CPNE5: variants seen among roughly 807,000 people sequenced by gnomAD.
CPNE5 encodes copine-5.
A neutral mutation model predicts 81.1 loss-of-function variants in CPNE5; 42 were observed. The observed-to-expected ratio is 0.52, with a 90% CI of 0.40 to 0.67. CPNE5 has a LOEUF of 0.67. Among genes scored for constraint, CPNE5 ranks in the 30% least tolerant of loss-of-function variants. The pLI, the probability that CPNE5 is intolerant of heterozygous loss-of-function variation, is 0.00. For missense variants in CPNE5, 612 were observed against 815.5 expected, an observed-to-expected ratio of 0.75 and a Z score of 3.04; for synonymous variants, 313 against 321.5, an observed-to-expected ratio of 0.97 and a Z score of 0.28.
intron 4 of CPNE5, among the ~76,000 whole-genome samples, chr6:36,799,441 C>T (rs1769904697): frequency 6.6e-6 from 1 of 152,182 alleles, no homozygotes; most frequent in Non-Finnish European, 1.5e-5. Context: ...CACAAACTCC[C>T]CAGCCTGTTT....
At chr6:36,827,244 C>A in intron 1 of CPNE5, 4 of 833,022 alleles carry the variant, frequency 4.8e-6, no homozygotes, top group Non-Finnish European at 5.8e-6. Context: ...TCTGATCCCA[C>A]ACCTCGTCCA....
At chr6:36,763,552 G>C (rs1228737018) in intron 11 of CPNE5, among the ~76,000 whole-genome samples, 1 of 148,426 alleles carries the variant, frequency 6.7e-6, no homozygotes, top group Non-Finnish European at 1.5e-5. Context: ...GCTGTGAGCT[G>C]AGATTGTGTC....
At chr6:36,763,798 G>A (rs1349570391) in intron 11 of CPNE5, among the ~76,000 whole-genome samples, 2 of 152,170 alleles carry the variant, frequency 1.3e-5, no homozygotes, top group African/African-American at 2.4e-5. Context: ...AAATTCAGGT[G>A]ATGGGATTAA....
At position 36,804,016 on chromosome 6, in the gene CPNE5, C is replaced by T. The variant is rs148426468; in HGVS notation, c.184-3946G>A. Among the ~76,000 whole-genome samples, 42 of 152,250 alleles carry T rather than the reference C, an allele frequency of 2.8e-4. 1 individual carries two copies. The East Asian group carries it at 6.8e-3, about 24-fold the overall frequency. ...TGAGCCCCTACTGAATGCTCAATAGCTTAAGTGCATCATTAAGTTATTTCA... is the reference window on the plus strand; with the variant it reads ...TGAGCCCCTACTGAATGCTCAATAGTTTAAGTGCATCATTAAGTTATTTCA... On this transcript the variant is annotated intron_variant, in intron 3 of 20. Transcript: ENST00000244751.
At position 36,822,096 on chromosome 6, in the gene CPNE5, G is replaced by T; in HGVS notation, c.183+18C>A. On this transcript the variant is annotated intron_variant, in intron 3 of 20. Transcript: ENST00000244751. ...GGAACAGGCTGGTGTTTCTGGTGTGGGAAGGAGCTGCACCTACCTCCCGCC... is the reference window on the plus strand; with the variant it reads ...GGAACAGGCTGGTGTTTCTGGTGTGTGAAGGAGCTGCACCTACCTCCCGCC... 6.5e-7 allele frequency: 1 copy of T among 1,527,606 alleles called. No homozygotes were observed. Among genetic ancestry groups the T allele is most frequent in the East Asian group, 2.4e-5 (1 of 40,836 alleles). The allele number at this position is 1,527,606 out of a possible 1,614,324, so 94.6% of individuals were successfully genotyped here. A position where few individuals can be genotyped will look rare whatever the true frequency, so the allele number is the denominator to read the frequency against.
At chr6:36,757,060 G>A (rs889626772) in intron 12 of CPNE5, among the ~76,000 whole-genome samples, 3 of 152,060 alleles carry the variant, frequency 2.0e-5, no homozygotes, top group African/African-American at 4.8e-5. Context: ...AGCCTCCCAC[G>A]GCAGGGAGTG....
chr6:36,825,692 G>A (rs973156422), intron 1 of CPNE5, among the ~76,000 whole-genome samples: 4 of 152,192 alleles, frequency 2.6e-5, no homozygotes, highest in African/African-American at 9.7e-5. Context: ...CATTCACACC[G>A]AGGCGGGCTG....
chr6:36,753,069 C>G lies in CPNE5; in HGVS notation c.936G>C (p.Glu312Asp). The G allele has an allele frequency of 6.2e-7, 1 of 1,613,358 alleles. No homozygotes were observed. Among genetic ancestry groups the G allele is most frequent in the South Asian group, 1.1e-5 (1 of 91,052 alleles). Residue 312 changes from glutamate to aspartate, a missense_variant, in exon 14 of 21, where the codon GAG (glutamate) becomes GAC (aspartate). Glu to Asp is a conservative substitution (Grantham distance 45, BLOSUM62 2). Coordinates refer to ENST00000244751, the MANE Select transcript of CPNE5 (RefSeq NM_020939.2). ...TGTAGTCAAGGAAGGTGCACTCTGA[C>G]TCCACAGCAAAGGAAAGCAGGGTGA... ...GTVTLLSFAVESECTFLDYIK... is the reference protein window; with the variant it reads ...GTVTLLSFAVDSECTFLDYIK...
At chr6:36,789,520 T>C (rs1303400510) in intron 8 of CPNE5, among the ~76,000 whole-genome samples, 1 of 152,198 alleles carries the variant, frequency 6.6e-6, no homozygotes, top group Admixed American at 6.5e-5. Context: ...TTCAAGGAAT[T>C]CAGATGCACC....
At chr6:36,810,115 C>G (rs949104941) in intron 3 of CPNE5, among the ~76,000 whole-genome samples, 1 of 152,004 alleles carries the variant, frequency 6.6e-6, no homozygotes, top group East Asian at 1.9e-4. Flanking sequence ...CTGGTGCTCA[C>G]CACAGCCCCT....
chr6:36,744,943 A>T (rs1400465154), intron 18 of CPNE5, 105 bp downstream of exon 18: 13 of 780,078 alleles, frequency 1.7e-5, no homozygotes. Flanking sequence ...AGTCATCTCC[A>T]AGCATTTCCC....
chr6:36,822,237 G>T, intron 2 of CPNE5, 77 bp from the exon 3 acceptor site: 3 of 1,285,634 alleles, frequency 2.3e-6, no homozygotes, highest in Middle Eastern at 2.0e-4. Context: ...AAGGATCCTG[G>T]CTGGGCAGGC....
At chr6:36,804,468 T>A (rs576923508) in intron 3 of CPNE5, among the ~76,000 whole-genome samples, 24 of 152,346 alleles carry the variant, frequency 1.6e-4, no homozygotes, top group African/African-American at 5.5e-4. Context: ...TGTCTCTTAA[T>A]GGCTTTCTTG....
chr6:36,817,230 C>G (rs1044810438), intron 3 of CPNE5, among the ~76,000 whole-genome samples: 3 of 152,156 alleles, frequency 2.0e-5, no homozygotes, highest in Non-Finnish European at 4.4e-5. Context: ...GAGGCTGAGA[C>G]AGGAATATCA....
intron 3 of CPNE5, among the ~76,000 whole-genome samples, chr6:36,808,452 G>C (rs1770797666): frequency 6.6e-6 from 1 of 152,070 alleles, no homozygotes; most frequent in African/African-American, 2.4e-5. Flanking sequence ...CACCAGCTGG[G>C]AGGCAGCAAC....
intron 1 of CPNE5, among the ~76,000 whole-genome samples, chr6:36,828,308 CAAAAAA>C (rs11444450): frequency 2.5e-5 from 2 of 78,650 alleles, no homozygotes; most frequent in African/African-American, 4.7e-5. Context: ...AACAACAAAC[CAAAAAA>C]AAAAAAAAAA....
At position 36,789,798 on chromosome 6, in the gene CPNE5, G is replaced by A. The variant is rs146037875; in HGVS notation, c.528+2235C>T. On this transcript the variant is annotated intron_variant, in intron 8 of 20. Transcript: ENST00000244751. ...AGTCACATATTCGTGATGGGTCCTC[G>A]GGAATGCCTACTGCACCCCGAGTCC... Among the ~76,000 whole-genome samples the A allele has an allele frequency of 2.1e-3, 322 of 152,230 alleles. 2 individuals carry two copies. Among genetic ancestry groups the A allele is most frequent in the African/African-American group, 6.2e-3 (258 of 41,538 alleles).
chr6:36,797,552 G>A (rs1769703880), intron 6 of CPNE5, among the ~76,000 whole-genome samples: 1 of 152,196 alleles, frequency 6.6e-6, no homozygotes, highest in Non-Finnish European at 1.5e-5. Context: ...GGACAAGAGA[G>A]GTCACCCTCA....
In CPNE5 at chr6:36,804,942, G is replaced by A. The variant is rs374918481; in HGVS notation, c.184-4872C>T. ...TAAGACGTGCAGATCACAAACAACC[G>A]CAAAATCCACAATCTGGGGACTTAC... On this transcript the variant is annotated intron_variant, in intron 3 of 20. Coordinates refer to ENST00000244751, the MANE Select transcript of CPNE5 (RefSeq NM_020939.2). Among the ~76,000 whole-genome samples, 10 of 152,202 alleles carry A rather than the reference G, an allele frequency of 6.6e-5. No individual in the cohort carries two copies. The South Asian group carries it at 1.5e-3, about 22-fold the overall frequency.
Sources: allele counts gnomAD v4.1 joint callset (sites outside exome capture counted in the v4.1 genomes callset), GRCh38; gene constraint gnomAD v4.1.1; transcripts MANE v1.5; gene names NCBI Gene and HGNC (gene_info 2026-07-23, HGNC 2026-07-21).